The following NPHP4 variants were observed in gnomAD, a reference collection of about 807,000 sequenced individuals.
NPHP4 encodes nephrocystin-4.
A neutral mutation model predicts 155.8 loss-of-function variants in NPHP4; 151 were observed. The observed-to-expected ratio is 0.97, with a 90% CI of 0.85 to 1.11. The LOEUF (loss-of-function observed/expected upper bound fraction) is 1.11. Ranked by LOEUF, NPHP4 falls within the 50% of genes least tolerant of loss-of-function variation. The pLI is 0.00. For missense variants in NPHP4, 1,956 were observed against 1,925.7 expected (o/e 1.02, Z -0.29); for synonymous variants, 845 against 816.8 (o/e 1.03, Z -0.59).
chr1:5,907,045 A>C, intron 13 of NPHP4, 70 bp downstream of exon 13: 1 of 953,216 alleles, frequency 1.0e-6, no homozygotes, highest in Non-Finnish European at 1.5e-6. Flanking sequence ...GCACAGTGCA[A>C]AAACCCAAAA....
Position 5,874,501 on chromosome 1 carries a change from G to A in NPHP4, c.3201C>T (p.Ser1067=). 1.3e-6 allele frequency: 2 copies of A among 1,570,980 alleles called. No individual in the cohort carries two copies. Among genetic ancestry groups the A allele is most frequent in the Non-Finnish European group, 1.7e-6 (2 of 1,156,574 alleles). Residue 1067 remains serine (S), a synonymous_variant, in exon 22 of 30, where the codon AGC becomes AGT. Coordinates refer to ENST00000378156, the MANE Select transcript of NPHP4 (RefSeq NM_015102.5). ...CCATGGCCAGCTGCCCTGCAGAGAA[G>A]CTCTGGAACTTGAAGGGGACGTGGG... is the stretch of plus-strand genomic sequence containing the variant. ...ETAHVPFKFQ[S]FSAGQLAMVQ... is the part of the protein sequence containing the mutation.
At chr1:5,985,917 A>G (rs1655413483) in intron 2 of NPHP4, among the ~76,000 whole-genome samples, 1 of 152,248 alleles carries the variant, frequency 6.6e-6, no homozygotes, top group South Asian at 2.1e-4. Flanking sequence ...GCATGTTCCT[A>G]CAACTGGGCA....
chr1:5,864,979 C>CGCGCTGGAG, intron 27 of NPHP4, 123 bp downstream of exon 27: 1 of 932,696 alleles, frequency 1.1e-6, no homozygotes, highest in Admixed American at 2.1e-5. Flanking sequence ...ACAGCGTCTG[C>CGCGCTGGAG]GCGCTGGAGG....
intron 11 of NPHP4, among the ~76,000 whole-genome samples, chr1:5,916,301 C>T (rs556859690): frequency 1.3e-5 from 2 of 152,070 alleles, no homozygotes; most frequent in South Asian, 4.2e-4. Context: ...AAGTGACAGC[C>T]GCATATCATT....
At chr1:5,920,290 G>T (rs1446398247) in intron 11 of NPHP4, among the ~76,000 whole-genome samples, 1 of 152,004 alleles carries the variant, frequency 6.6e-6, no homozygotes, top group Non-Finnish European at 1.5e-5. Flanking sequence ...CGAACTCTTG[G>T]CTTCAAGCCA....
intron 16 of NPHP4, among the ~76,000 whole-genome samples, chr1:5,895,287 C>T (rs1041291949): frequency 6.6e-6 from 1 of 151,692 alleles, no homozygotes; most frequent in African/African-American, 2.4e-5. Context: ...ACAAATGTAA[C>T]AAACCTGCAC....
chr1:5,900,867 C>T (rs1288020977), intron 16 of NPHP4, among the ~76,000 whole-genome samples: 4 of 151,986 alleles, frequency 2.6e-5, no homozygotes, highest in African/African-American at 9.7e-5. Context: ...CCCATCTCTA[C>T]AAAAACTACA....
chr1:5,976,842 A>C (rs769594811), intron 3 of NPHP4, among the ~76,000 whole-genome samples: 8 of 152,148 alleles, frequency 5.3e-5, no homozygotes, highest in Non-Finnish European at 1.2e-4. Context: ...TACGGAGAGC[A>C]ACGAGCTCGT....
At chr1:5,927,814 G>A (rs1367187117) in intron 10 of NPHP4, 27 bp from the exon 11 acceptor site, 3 of 1,587,576 alleles carry the variant, frequency 1.9e-6, no homozygotes, top group East Asian at 2.3e-5. Flanking sequence ...GAGCAGTGAT[G>A]GCCACTCCCT....
chr1:5,988,243 G>A (rs1305565594), intron 1 of NPHP4, among the ~76,000 whole-genome samples: 1 of 152,194 alleles, frequency 6.6e-6, no homozygotes, highest in Non-Finnish European at 1.5e-5. Flanking sequence ...GGGTTTCAAT[G>A]CAGCAGCAAA....
intron 16 of NPHP4, among the ~76,000 whole-genome samples, chr1:5,896,404 C>G (rs561853427): frequency 7.2e-5 from 11 of 152,286 alleles, no homozygotes; most frequent in African/African-American, 2.6e-4. Flanking sequence ...ATTCTGAACC[C>G]TCGGTGGGAC....
chr1:5,871,942 A>C (rs1642051736), intron 23 of NPHP4, among the ~76,000 whole-genome samples: 1 of 152,252 alleles, frequency 6.6e-6, no homozygotes, highest in South Asian at 2.1e-4. Flanking sequence ...GTAAACTAAC[A>C]CAGTGTCTAG....
intron 10 of NPHP4, among the ~76,000 whole-genome samples, chr1:5,931,733 CAAAAA>C (rs60217132): frequency 3.8e-5 from 3 of 79,324 alleles, no homozygotes; most frequent in Admixed American, 1.7e-4. Flanking sequence ...GACTTCATCT[CAAAAA>C]AAAAAAAAAA....
At chr1:5,939,450 T>A (rs12126123) in intron 9 of NPHP4, among the ~76,000 whole-genome samples, 26,100 of 152,074 alleles carry the variant, frequency 0.17, 2,313 homozygotes, top group African/African-American at 0.22. Flanking sequence ...GCGGCTGGCA[T>A]GTGGGCACTG....
intron 19 of NPHP4, among the ~76,000 whole-genome samples, chr1:5,878,944 G>A (rs775197435): frequency 7.9e-5 from 12 of 152,214 alleles, no homozygotes; most frequent in East Asian, 1.9e-4. Flanking sequence ...CCTTAGCCAC[G>A]GCACTGGCCA....
intron 16 of NPHP4, among the ~76,000 whole-genome samples, chr1:5,897,177 T>C (rs191515749): frequency 1.5e-4 from 23 of 152,272 alleles, no homozygotes; most frequent in Admixed American, 1.4e-3. Flanking sequence ...GACCAAATGA[T>C]AGAATTAGAC....
chr1:5,881,162 T>C (rs1643246412), intron 18 of NPHP4: 1 of 152,244 alleles, frequency 6.6e-6, no homozygotes, highest in South Asian at 2.1e-4. Flanking sequence ...AGGTCCCTCC[T>C]TGGCTGCAGC....
At chr1:5,873,202 G>T in intron 23 of NPHP4, 50 bp downstream of exon 23, 1 of 1,477,510 alleles carries the variant, frequency 6.8e-7, no homozygotes, top group Non-Finnish European at 9.5e-7. Context: ...TCAGGCCCTG[G>T]GAATACCCAG....
intron 16 of NPHP4, among the ~76,000 whole-genome samples, chr1:5,900,958 C>T (rs10864632): frequency 0.36 from 55,086 of 151,738 alleles, 10,882 homozygotes; most frequent in East Asian, 0.74. Context: ...TTGTTTGGGC[C>T]CAGGAGGTCG....
Sources: gnomAD v4.1 joint callset for allele counts (sites outside exome capture counted in the v4.1 genomes callset) on GRCh38, gnomAD v4.1.1 for gene constraint, MANE v1.5 for transcripts, NCBI Gene and HGNC (gene_info 2026-07-23, HGNC 2026-07-21) for gene names.